MPP7: variants seen among roughly 807,000 people sequenced by gnomAD.
The protein encoded by MPP7 is MAGUK p55 scaffold protein 7.
In MPP7, 60 loss-of-function variants were observed where a neutral mutation model predicts 76.5. The ratio of observed to expected loss-of-function variants is 0.78; its 90% CI spans 0.64 to 0.97. The LOEUF (loss-of-function observed/expected upper bound fraction) is 0.97, where lower values mean the gene tolerates loss of function less well. Among genes scored for constraint, MPP7 ranks in the 50% least tolerant of loss-of-function variants. MPP7 has a pLI of 0.00. For synonymous variants in MPP7, 237 were observed against 244.5 expected (o/e 0.97, Z 0.29); for missense variants, 641 against 694.0 (o/e 0.92, Z 0.86).
chr10:28,235,910 T>C (rs1196078885), intron 2 of MPP7, among the ~76,000 whole-genome samples: 1 of 152,138 alleles, frequency 6.6e-6, no homozygotes. Flanking sequence ...AAATAAATTC[T>C]GCAAGTAAAT....
intron 5 of MPP7, among the ~76,000 whole-genome samples, chr10:28,133,371 C>A (rs1835255918): frequency 6.6e-6 from 1 of 152,148 alleles, no homozygotes. Flanking sequence ...CTTACACTGC[C>A]CTCCTCCTCA....
intron 1 of MPP7, among the ~76,000 whole-genome samples, chr10:28,332,253 G>GTA (rs1236287954): frequency 6.6e-6 from 1 of 151,232 alleles, no homozygotes; most frequent in Non-Finnish European, 1.5e-5. Context: ...ATGCGTGTGT[G>GTA]TGTGTGTGTG....
At chr10:28,121,493 T>C (rs769570570) in intron 8 of MPP7, among the ~76,000 whole-genome samples, 21 of 152,100 alleles carry the variant, frequency 1.4e-4, no homozygotes, top group Non-Finnish European at 2.4e-4. Context: ...AATTGAAAGA[T>C]GAAAAGACTG....
chr10:28,241,572 G>A (rs185893322), intron 1 of MPP7, among the ~76,000 whole-genome samples: 154 of 152,122 alleles, frequency 1.0e-3, no homozygotes, highest in African/African-American at 3.6e-3. Flanking sequence ...GGAATTTGTC[G>A]GAACGCAGCC....
chr10:28,316,819 G>A (rs991795010), intron 2 of MPP7, among the ~76,000 whole-genome samples: 5 of 152,154 alleles, frequency 3.3e-5, no homozygotes, highest in African/African-American at 7.2e-5. Flanking sequence ...TACGGCGCTC[G>A]CTGCCTTTAA....
chr10:28,268,959 G>T (rs1260008866), intron 1 of MPP7, among the ~76,000 whole-genome samples: 1 of 152,022 alleles, frequency 6.6e-6, no homozygotes, highest in Non-Finnish European at 1.5e-5. Flanking sequence ...TAATATTATA[G>T]ACTCATGAAA....
chr10:28,242,104 T>C (rs536231507), intron 1 of MPP7, among the ~76,000 whole-genome samples: 8 of 152,198 alleles, frequency 5.3e-5, no homozygotes, highest in Non-Finnish European at 1.0e-4. Flanking sequence ...AGTTAATATA[T>C]ATCAACAAGA....
At chr10:28,082,964 G>C (rs946463489) in intron 12 of MPP7, among the ~76,000 whole-genome samples, 9 of 152,118 alleles carry the variant, frequency 5.9e-5, no homozygotes, top group African/African-American at 1.9e-4. Context: ...AGATTATTTT[G>C]TTTAACCCTC....
chr10:28,250,879 T>C (rs1279226275), intron 1 of MPP7, among the ~76,000 whole-genome samples: 1 of 152,202 alleles, frequency 6.6e-6, no homozygotes, highest in Non-Finnish European at 1.5e-5. Flanking sequence ...ATAGTAAGTA[T>C]AGGTGTCAAC....
At chr10:28,230,364 A>G (rs1318779642) in intron 2 of MPP7, among the ~76,000 whole-genome samples, 4 of 152,180 alleles carry the variant, frequency 2.6e-5, no homozygotes, top group Non-Finnish European at 5.9e-5. Flanking sequence ...CAAGCAATTC[A>G]CAAGAGCTCC....
Position 28,118,198 on chromosome 10 carries a change from A to C in MPP7, c.952+1453T>G, listed in dbSNP as rs1354612613. ...CACACAAACAAACACACATACCCCCACACACACCTCACCTTCCTATGCATC... is the reference window on the plus strand; with the variant it reads ...CACACAAACAAACACACATACCCCCCCACACACCTCACCTTCCTATGCATC... On this transcript the variant is annotated intron_variant, in intron 11 of 16. Transcript: ENST00000683449. 1.1e-5 allele frequency: 11 copies of C among 985,288 alleles called. No homozygotes were observed. In the East Asian group the frequency reaches 4.5e-4, roughly 41 times the overall value. The allele number at this position is 985,288 out of a possible 1,614,324, so 61.0% of individuals were successfully genotyped here.
intron 2 of MPP7, among the ~76,000 whole-genome samples, chr10:28,308,358 G>T (rs1841270922): frequency 6.6e-6 from 1 of 152,186 alleles, no homozygotes; most frequent in African/African-American, 2.4e-5. Flanking sequence ...AATACCAGGG[G>T]ACACAAATCA....
chr10:28,099,603 G>T (rs942030474), intron 11 of MPP7, among the ~76,000 whole-genome samples: 3 of 152,032 alleles, frequency 2.0e-5, no homozygotes, highest in Non-Finnish European at 4.4e-5. Context: ...TCGGGAGTTC[G>T]AGGCTAGCCT....
chr10:28,261,355 C>T (rs928937987), intron 1 of MPP7, among the ~76,000 whole-genome samples: 4 of 152,190 alleles, frequency 2.6e-5, no homozygotes, highest in Non-Finnish European at 5.9e-5. Context: ...GGTGGCTTTG[C>T]GCTCCACTGG....
At chr10:28,221,380 G>A (rs1188121155) in intron 2 of MPP7, among the ~76,000 whole-genome samples, 3 of 152,072 alleles carry the variant, frequency 2.0e-5, no homozygotes, top group East Asian at 1.9e-4. Flanking sequence ...AAGAACAAAG[G>A]AGCAGCCAGC....
intron 1 of MPP7, among the ~76,000 whole-genome samples, chr10:28,249,369 A>G (rs939142547): frequency 6.6e-6 from 1 of 152,186 alleles, no homozygotes; most frequent in African/African-American, 2.4e-5. Flanking sequence ...TGGGGGGATC[A>G]CATGAGGTCA....
intron 2 of MPP7, among the ~76,000 whole-genome samples, chr10:28,226,793 C>G (rs12357214): frequency 0.17 from 26,337 of 152,014 alleles, 2,554 homozygotes; most frequent in African/African-American, 0.26. Context: ...AAAAGCAGAA[C>G]TCGCACTATT....
intron 13 of MPP7, among the ~76,000 whole-genome samples, chr10:28,061,133 A>G (rs1347400559): frequency 6.6e-6 from 1 of 152,116 alleles, no homozygotes; most frequent in Non-Finnish European, 1.5e-5. Context: ...GCAATCTGAA[A>G]TTATTCAACA....
chr10:28,243,301 G>A (rs999383481), intron 1 of MPP7, among the ~76,000 whole-genome samples: 2 of 152,030 alleles, frequency 1.3e-5, no homozygotes, highest in East Asian at 1.9e-4. Flanking sequence ...TGAAATACAC[G>A]CATGGTGGAA....
Sources: allele counts gnomAD v4.1 joint callset (sites outside exome capture counted in the v4.1 genomes callset), GRCh38; gene constraint gnomAD v4.1.1; transcripts MANE v1.5; gene names NCBI Gene and HGNC (gene_info 2026-07-23, HGNC 2026-07-21).